Variants in GRB10 observed in about 807,000 individuals in gnomAD.
The protein encoded by GRB10 is growth factor receptor bound protein 10.
GRB10 carries 20 observed loss-of-function variants against 80.9 expected under a neutral mutation model. The ratio of observed to expected loss-of-function variants is 0.25; its 90% CI spans 0.17 to 0.36. The LOEUF (loss-of-function observed/expected upper bound fraction) is 0.36. GRB10 is among the 10% of genes least tolerant of loss of function. The pLI is 1.00. For missense variants in GRB10, 548 were observed against 747.7 expected, an observed-to-expected ratio of 0.73 and a Z score of 3.12; for synonymous variants, 291 against 291.5, an observed-to-expected ratio of 1.00 and a Z score of 0.02.
At position 50,612,823 on chromosome 7, in the gene GRB10, T is replaced by C. The variant is rs2049818251; in HGVS notation, c.1112A>G (p.Asn371Ser). The change falls in exon 13 of 19, where the codon AAT becomes AGT. Residue 371 changes from asparagine to serine, a missense_variant. By Grantham distance (46) the Asn-to-Ser change is conservative. Transcript: ENST00000401949. ...GAGCAACCTCAGCTCTTTAGTTTCA[T>C]TCCTGACTTTGTTTGGCTACAGGAG... ...GLCIKPNKVR[N>S]ETKELRLLCA... is the part of the protein sequence containing the mutation. 1 of 1,613,838 alleles carries C rather than the reference T, an allele frequency of 6.2e-7. No individual in the cohort carries two copies. Among genetic ancestry groups the C allele is most frequent in the Non-Finnish European group, 8.5e-7 (1 of 1,179,740 alleles).
In GRB10 at chr7:50,595,516, C is replaced by A; in HGVS notation, c.1559G>T (p.Arg520Leu). Residue 520 changes from arginine to leucine, a missense_variant, in exon 18 of 19, where the codon CGT (arginine) becomes CTT (leucine). Arg to Leu is a moderately radical substitution (Grantham distance 102). Around this residue, in one of 4 missense-constraint regions of GRB10, gnomAD observed 270 missense variants for 433.6 expected, o/e 0.62. Coordinates refer to ENST00000401949, the MANE Select transcript of GRB10 (RefSeq NM_001350814.2). ...QGLVDGLFLL[R>L]DSQSNPKAFV... Reference sequence around the variant, plus strand: ...TGCCTTTGGATTACTCTGGCTGTCACGGAGGAGAAAAAGCCTGGGGAAGGG... The same window carrying A: ...TGCCTTTGGATTACTCTGGCTGTCAAGGAGGAGAAAAAGCCTGGGGAAGGG... 6.2e-7 allele frequency: 1 copy of A among 1,607,508 alleles called. No individual in the cohort carries two copies. Among genetic ancestry groups the A allele is most frequent in the Non-Finnish European group, 8.5e-7 (1 of 1,174,496 alleles).
chr7:50,692,446 A>C (rs1272185113), intron 5 of GRB10, among the ~76,000 whole-genome samples: 2 of 152,110 alleles, frequency 1.3e-5, no homozygotes, highest in African/African-American at 4.8e-5. Flanking sequence ...TTCTCTCATC[A>C]ATCATGCCCT....
intron 4 of GRB10, among the ~76,000 whole-genome samples, chr7:50,724,692 G>A (rs2068307590): frequency 6.6e-6 from 1 of 152,126 alleles, no homozygotes; most frequent in South Asian, 2.1e-4. Flanking sequence ...CACAAACCCC[G>A]ACAAAGGAAG....
At chr7:50,645,660 C>T (rs2057062057) in intron 7 of GRB10, 1 of 984,182 alleles carries the variant, frequency 1.0e-6, no homozygotes, top group Non-Finnish European at 1.2e-6. Context: ...GATCTGAAAG[C>T]AAACGCCGTC....
chr7:50,636,437 T>G lies in GRB10; in HGVS notation c.505-9459A>C, dbSNP rs555641568. 7.2e-5 allele frequency among the ~76,000 whole-genome samples: 11 copies of G among 152,292 alleles called. No individual in the cohort carries two copies. The South Asian group carries it at 2.3e-3, about 32-fold the overall frequency. On this transcript the variant is annotated intron_variant, in intron 7 of 18. Transcript: ENST00000401949. ...CAAGGACACAACAAAGTAAGGATAC[T>G]GCAGGCCAATATCCCTTATAAAAAC...
chr7:50,709,966 C>A (rs2065643669), intron 4 of GRB10, among the ~76,000 whole-genome samples: 1 of 152,082 alleles, frequency 6.6e-6, no homozygotes, highest in Non-Finnish European at 1.5e-5. Flanking sequence ...TTCCTTGACT[C>A]CAAAGTGACT....
intron 7 of GRB10, among the ~76,000 whole-genome samples, chr7:50,642,883 T>C (rs1021533983): frequency 1.3e-5 from 2 of 152,200 alleles, no homozygotes; most frequent in African/African-American, 2.4e-5. Flanking sequence ...TCAAGCAGAA[T>C]GCCTACTCAA....
chr7:50,594,519 T>C (rs1467976282), intron 18 of GRB10, among the ~76,000 whole-genome samples: 1 of 152,226 alleles, frequency 6.6e-6, no homozygotes, highest in Non-Finnish European at 1.5e-5. Flanking sequence ...TTTTCTTTGC[T>C]GACATGCAGA....
At chr7:50,711,195 C>T (rs1020330201) in intron 4 of GRB10, among the ~76,000 whole-genome samples, 6 of 146,722 alleles carry the variant, frequency 4.1e-5, no homozygotes, top group African/African-American at 1.5e-4. Context: ...AAAAAAGCAA[C>T]AGATGAGAAC....
chr7:50,673,926 C>T (rs906747330), intron 6 of GRB10, among the ~76,000 whole-genome samples: 1 of 152,212 alleles, frequency 6.6e-6, no homozygotes, highest in African/African-American at 2.4e-5. Flanking sequence ...TCAACGTCCC[C>T]AGCACGTTCC....
At chr7:50,695,651 T>C (rs955395709) in intron 5 of GRB10, among the ~76,000 whole-genome samples, 2 of 152,296 alleles carry the variant, frequency 1.3e-5, no homozygotes, top group East Asian at 3.9e-4. Flanking sequence ...TCCAATACTA[T>C]ACCGCTGCCA....
At position 50,696,119 on chromosome 7, in the gene GRB10, T is replaced by G. The variant is rs554233918; in HGVS notation, c.139+7702A>C. Among the ~76,000 whole-genome samples the G allele has an allele frequency of 2.5e-4, 38 of 152,344 alleles. No homozygotes were observed. The South Asian group carries it at 6.8e-3, about 27-fold the overall frequency. On this transcript the variant is annotated intron_variant, in intron 5 of 18. Coordinates refer to ENST00000401949, the MANE Select transcript of GRB10 (RefSeq NM_001350814.2). ...ATCAGTCTTGTCTTTCCCTATTTCCTTTATTCTAGGGGAATATGCTATTGA... is the reference window on the plus strand; with the variant it reads ...ATCAGTCTTGTCTTTCCCTATTTCCGTTATTCTAGGGGAATATGCTATTGA...
At chr7:50,702,442 A>G (rs1426925916) in intron 5 of GRB10, among the ~76,000 whole-genome samples, 1 of 152,206 alleles carries the variant, frequency 6.6e-6, no homozygotes, top group Non-Finnish European at 1.5e-5. Context: ...TGCTCTGTGG[A>G]CATGCCTGGG....
At chr7:50,627,290 C>T (rs766925131) in intron 7 of GRB10, among the ~76,000 whole-genome samples, 1 of 152,194 alleles carries the variant, frequency 6.6e-6, no homozygotes, top group African/African-American at 2.4e-5. Context: ...TGACAGGATT[C>T]ACAGGATTCA....
chr7:50,746,024 C>T (rs1425373821), intron 3 of GRB10, among the ~76,000 whole-genome samples: 1 of 152,154 alleles, frequency 6.6e-6, no homozygotes, highest in South Asian at 2.1e-4. Flanking sequence ...AGTATCTGAG[C>T]TGTAAGGACG....
chr7:50,718,269 G>C (rs149527056), intron 4 of GRB10, among the ~76,000 whole-genome samples: 1 of 152,298 alleles, frequency 6.6e-6, no homozygotes, highest in African/African-American at 2.4e-5. Context: ...AATGAGTTTG[G>C]TTTGAAATGT....
At chr7:50,656,154 T>C (rs971792096) in intron 7 of GRB10, among the ~76,000 whole-genome samples, 1 of 152,178 alleles carries the variant, frequency 6.6e-6, no homozygotes, top group Admixed American at 6.5e-5. Context: ...ATTTCCTGAC[T>C]GTGTCCTGGT....
chr7:50,703,390 C>T (rs568016073), intron 5 of GRB10, among the ~76,000 whole-genome samples: 4 of 152,312 alleles, frequency 2.6e-5, no homozygotes, highest in African/African-American at 7.2e-5. Flanking sequence ...TCCTTTCCCA[C>T]AATGACCTCA....
chr7:50,638,544 T>C (rs1410002497), intron 7 of GRB10, among the ~76,000 whole-genome samples: 1 of 152,012 alleles, frequency 6.6e-6, no homozygotes, highest in East Asian at 1.9e-4. Context: ...CAATGAGATA[T>C]CATCTTATAC....
Sources: gnomAD v4.1 joint callset for allele counts (sites outside exome capture counted in the v4.1 genomes callset) on GRCh38, gnomAD v4.1.1 for gene constraint, gnomAD v4.1.1 regional missense constraint, MANE v1.5 for transcripts, NCBI Gene and HGNC (gene_info 2026-07-23, HGNC 2026-07-21) for gene names.